Variants in EHHADH observed in about 807,000 individuals in gnomAD.
The protein encoded by EHHADH is enoyl-CoA hydratase and 3-hydroxyacyl CoA dehydrogenase.
A neutral mutation model predicts 64.4 loss-of-function variants in EHHADH; 48 were observed. The ratio of observed to expected loss-of-function variants is 0.75; its 90% CI spans 0.59 to 0.95. The LOEUF is 0.95. Ranked by LOEUF, EHHADH falls within the 40% of genes least tolerant of loss-of-function variation. The pLI is 0.00. For missense variants in EHHADH, 854 were observed against 876.6 expected (o/e 0.97, Z 0.33); for synonymous variants, 308 against 326.7 (o/e 0.94, Z 0.62).
chr3:185,230,039 G>A (rs1227931936), intron 3 of EHHADH, among the ~76,000 whole-genome samples: 1 of 152,164 alleles, frequency 6.6e-6, no homozygotes, highest in African/African-American at 2.4e-5. Context: ...CTCCAAAGAA[G>A]AGATACAAAT....
chr3:185,210,683 T>C (rs1560010989), intron 5 of EHHADH, among the ~76,000 whole-genome samples: 1 of 150,594 alleles, frequency 6.6e-6, no homozygotes, highest in Admixed American at 6.6e-5. Context: ...CTAGTAAGAC[T>C]ATTCTTGAAA....
intron 5 of EHHADH, among the ~76,000 whole-genome samples, chr3:185,213,043 C>T (rs897587824): frequency 2.2e-5 from 3 of 134,582 alleles, no homozygotes; most frequent in African/African-American, 8.1e-5. Flanking sequence ...TTGCTTGAAC[C>T]CAGGAGGCGG....
chr3:185,234,719 T>G (rs897187356), intron 3 of EHHADH, among the ~76,000 whole-genome samples: 1 of 151,264 alleles, frequency 6.6e-6, no homozygotes, highest in Non-Finnish European at 1.5e-5. Context: ...TGATGGATCA[T>G]AGAGAGGCCC....
At chr3:185,253,789 A>T in intron 1 of EHHADH, 160 bp downstream of exon 1, 1 of 1,363,428 alleles carries the variant, frequency 7.3e-7, no homozygotes, top group South Asian at 1.8e-5. Flanking sequence ...AAAGAAAAAG[A>T]AAGAAAGAAA....
chr3:185,254,028 C>T lies in EHHADH; in HGVS notation c.-6G>A. 1 of 1,613,586 alleles carries T rather than the reference C, an allele frequency of 6.2e-7. No individual in the cohort carries two copies. Among genetic ancestry groups the T allele is most frequent in the Non-Finnish European group, 8.5e-7 (1 of 1,179,660 alleles). Reference sequence around the variant, plus strand: ...AGCCGCGTATACTCGGCCATGTTTCCTCTATCACCGAGGGCACCTCTGCCT... The same window carrying T: ...AGCCGCGTATACTCGGCCATGTTTCTTCTATCACCGAGGGCACCTCTGCCT... On this transcript the variant is annotated 5_prime_UTR_variant, in exon 1 of 7. Transcript: ENST00000231887.
rs191742318 is a variant in EHHADH, at chr3:185,210,868, C to G, written c.569-6111G>C. On this transcript the variant is annotated intron_variant, in intron 5 of 6. Transcript: ENST00000231887. Reference sequence around the variant, plus strand: ...GAACAAAACTGAAATGAAAAGAAAGCCTGCTTAATGGTGTGCAGTAATTAG... The same window carrying G: ...GAACAAAACTGAAATGAAAAGAAAGGCTGCTTAATGGTGTGCAGTAATTAG... Among the ~76,000 whole-genome samples the G allele has an allele frequency of 1.4e-4, 21 of 152,210 alleles. No homozygotes were observed. In the East Asian group the frequency reaches 3.3e-3, roughly 24 times the overall value.
chr3:185,251,296 A>G (rs887395564), intron 1 of EHHADH, among the ~76,000 whole-genome samples: 2 of 152,174 alleles, frequency 1.3e-5, no homozygotes, highest in African/African-American at 2.4e-5. Flanking sequence ...TCAAAGAAAA[A>G]GAAGAGATGA....
rs141436915 is a variant in EHHADH at position 185,236,306 on chromosome 3, T to G, written c.179-844A>C. On this transcript the variant is annotated intron_variant, in intron 2 of 6. Coordinates refer to ENST00000231887, the MANE Select transcript of EHHADH (RefSeq NM_001966.4). ...AGGGATCTAGGTTGCGCTCTCCTTA[T>G]GAGAATCTAATGCCTGATGATCTGA... Among the ~76,000 whole-genome samples the G allele has an allele frequency of 5.4e-3, 803 of 149,408 alleles. 10 individuals carry two copies. Among genetic ancestry groups the G allele is most frequent in the African/African-American group, 0.019 (772 of 41,284 alleles).
At chr3:185,243,774 G>A (rs1188948526) in intron 2 of EHHADH, among the ~76,000 whole-genome samples, 1 of 152,148 alleles carries the variant, frequency 6.6e-6, no homozygotes, top group Non-Finnish European at 1.5e-5. Flanking sequence ...TTTGGAGAAC[G>A]TTCCATGCAC....
chr3:185,227,467 G>A (rs964024113), intron 4 of EHHADH, among the ~76,000 whole-genome samples: 3 of 151,874 alleles, frequency 2.0e-5, no homozygotes, highest in Non-Finnish European at 4.4e-5. Flanking sequence ...AGGAGGCAGA[G>A]GTTGCGGTGA....
Position 185,227,116 on chromosome 3 carries a change from T to C in EHHADH, c.463+2316A>G, listed in dbSNP as rs1193392875. On this transcript the variant is annotated intron_variant, in intron 4 of 6. Coordinates refer to ENST00000231887, the MANE Select transcript of EHHADH (RefSeq NM_001966.4). ...GAGTTGGGATTCAAAGCCAGGTCTT[T>C]GATTCTAAAGCTTGTGCTCTTTTTA... Among the ~76,000 whole-genome samples, 2 of 152,354 alleles carry C rather than the reference T, an allele frequency of 1.3e-5. 1 individual carries two copies. Among genetic ancestry groups the C allele is most frequent in the South Asian group, 4.1e-4 (2 of 4,830 alleles).
chr3:185,236,450 A>ACCCACCCACTACCCCTGTCC (rs1284189352), intron 2 of EHHADH, among the ~76,000 whole-genome samples: 1 of 150,682 alleles, frequency 6.6e-6, no homozygotes, highest in Non-Finnish European at 1.5e-5. Flanking sequence ...CCTGGTACCA[A>ACCCACCCACTACCCCTGTCC]AAAGGTTGAG....
chr3:185,192,948 T>G lies in EHHADH; in HGVS notation c.1450A>C (p.Met484Leu), dbSNP rs780084491. The change falls in exon 7 of 7, where the codon ATG (methionine) becomes CTG (leucine). Residue 484 changes from methionine (M) to leucine (L), a missense_variant. Coordinates refer to ENST00000231887, the MANE Select transcript of EHHADH (RefSeq NM_001966.4). ...GNCFGFVGNR[M>L]LNPYYNQAYF... ...GCCTGATTGTAGTAAGGATTCAACA[T>G]TCGATTCCCCACAAATCCAAAACAG... is the stretch of plus-strand genomic sequence containing the variant. 1 of 1,614,220 alleles carries G rather than the reference T, an allele frequency of 6.2e-7. No homozygotes were observed. Among genetic ancestry groups the G allele is most frequent in the Non-Finnish European group, 8.5e-7 (1 of 1,180,030 alleles).
intron 2 of EHHADH, among the ~76,000 whole-genome samples, chr3:185,247,298 T>G (rs1358779406): frequency 6.6e-6 from 1 of 152,172 alleles, no homozygotes; most frequent in Non-Finnish European, 1.5e-5. Flanking sequence ...CATTCTCTCA[T>G]CTACCTTCTT....
At chr3:185,207,019 A>G (rs1718415476) in intron 5 of EHHADH, among the ~76,000 whole-genome samples, 1 of 151,596 alleles carries the variant, frequency 6.6e-6, no homozygotes, top group Non-Finnish European at 1.5e-5. Flanking sequence ...TGGGCACAGT[A>G]GCCCACGCCT....
Position 185,191,599 on chromosome 3 carries a change from G to A in EHHADH, c.*627C>T, listed in dbSNP as rs1441053484. On this transcript the variant is annotated 3_prime_UTR_variant, in exon 7 of 7. Coordinates refer to ENST00000231887, the MANE Select transcript of EHHADH (RefSeq NM_001966.4). The stretch of plus-strand genomic sequence containing the variant: ...GGTGTCATTACTCTATCACAGAATT[G>A]GGAAATCCTAGAAGGTTAGATGTTC... 1 of 152,110 alleles carries A rather than the reference G, an allele frequency of 6.6e-6. No individual in the cohort carries two copies. Among genetic ancestry groups the A allele is most frequent in the African/African-American group, 2.4e-5 (1 of 41,388 alleles). 9.4% of individuals were successfully genotyped at this position (152,110 alleles called of 1,614,324 possible).
chr3:185,204,401 A>G lies in EHHADH; in HGVS notation c.910+15T>C. 6.3e-7 allele frequency: 1 copy of G among 1,577,424 alleles called. No homozygotes were observed. Among genetic ancestry groups the G allele is most frequent in the Non-Finnish European group, 8.6e-7 (1 of 1,161,852 alleles). On this transcript the variant is annotated intron_variant, in intron 6 of 6. Transcript: ENST00000231887. ...GCAGATTTGGAGGATTCCATTCATT[A>G]CCCCATGGTCTTACCAACAACACCA...
At position 185,234,955 on chromosome 3, in the gene EHHADH, G is replaced by T. The variant is rs147442453; in HGVS notation, c.351+335C>A. Among the ~76,000 whole-genome samples, 260 of 152,258 alleles carry T rather than the reference G, an allele frequency of 1.7e-3. 1 individual carries two copies. Among genetic ancestry groups the T allele is most frequent in the Middle Eastern group, 3.4e-3 (1 of 294 alleles). On this transcript the variant is annotated intron_variant, in intron 3 of 6. Coordinates refer to ENST00000231887, the MANE Select transcript of EHHADH (RefSeq NM_001966.4). Reference sequence around the variant, plus strand: ...CCCAGCACTTTGGGAAGCCAAGGTGGGTGGTCACCTGAGGTCAGGAGTTTG... The same window carrying T: ...CCCAGCACTTTGGGAAGCCAAGGTGTGTGGTCACCTGAGGTCAGGAGTTTG...
At chr3:185,248,554 GAATTA>G (rs1560023461) in intron 1 of EHHADH, 37 bp from the exon 2 acceptor site, 2 of 1,447,328 alleles carry the variant, frequency 1.4e-6, no homozygotes, top group East Asian at 4.6e-5. Context: ...AAATCAGTCA[GAATTA>G]AATTCCTACC....
Sources: gnomAD v4.1 joint callset for allele counts (sites outside exome capture counted in the v4.1 genomes callset) on GRCh38, gnomAD v4.1.1 for gene constraint, MANE v1.5 for transcripts, NCBI Gene and HGNC (gene_info 2026-07-23, HGNC 2026-07-21) for gene names.